The following DNAH2 variants were observed in gnomAD, a reference collection of about 807,000 sequenced individuals.
DNAH2 encodes dynein axonemal heavy chain 2, also known as axonemal beta dynein heavy chain 2.
DNAH2 carries 323 observed loss-of-function variants against 523.5 expected under a neutral mutation model. That is an observed-to-expected ratio of 0.62 (90% confidence interval 0.56 to 0.68). The LOEUF is 0.68. Ranked by LOEUF, DNAH2 falls within the 30% of genes least tolerant of loss-of-function variation. The pLI, the probability that DNAH2 is intolerant of heterozygous loss-of-function variation, is 0.00. For synonymous variants in DNAH2, 2,093 were observed against 2,177.4 expected (o/e 0.96, Z 1.08); for missense variants, 4,907 against 5,701.5 (o/e 0.86, Z 4.49).
At chr17:7,774,439 A>G (rs184998626) in intron 28 of DNAH2, among the ~76,000 whole-genome samples, 2 of 152,220 alleles carry the variant, frequency 1.3e-5, no homozygotes. Context: ...TTCGGACCAC[A>G]GTTGTCTGCA....
rs542519744 is a variant in DNAH2, at chr17:7,793,502, T to C, written c.7569+297T>C. The stretch of plus-strand genomic sequence containing the variant: ...TTCTTTCTTTCTTTCTTTCTTTCTT[T>C]CTTTCTTTCTTTCTTCTCTTTCTCT... On this transcript the variant is annotated intron_variant, in intron 48 of 85. Transcript: ENST00000572933. Among the ~76,000 whole-genome samples the C allele has an allele frequency of 7.3e-5, 10 of 137,784 alleles. 1 individual carries two copies. Among genetic ancestry groups the C allele is most frequent in the South Asian group, 2.2e-4 (1 of 4,528 alleles). The allele number at this position is 137,784 out of a possible 152,430, so 90.4% of individuals were successfully genotyped here.
In DNAH2 at chr17:7,798,411, T is replaced by A; in HGVS notation, c.8398+87T>A. 1 of 1,536,118 alleles carries A rather than the reference T, an allele frequency of 6.5e-7. No individual in the cohort carries two copies. The highest frequency in any genetic ancestry group is 8.8e-7 in the Non-Finnish European group (1 of 1,138,668). ...CAAGAGAGGAGAGATGGCAGCCAGATGGGCAGACGTGTCTGGCCCGTGTTG... is the reference window on the plus strand; with the variant it reads ...CAAGAGAGGAGAGATGGCAGCCAGAAGGGCAGACGTGTCTGGCCCGTGTTG... On this transcript the variant is annotated intron_variant, in intron 54 of 85. Coordinates refer to ENST00000572933, the MANE Select transcript of DNAH2 (RefSeq NM_020877.5). The surrounding 1 kb of genome is among the most constrained non-coding windows in gnomAD (Gnocchi z 5.5).
rs1387025924 is a variant in DNAH2 at position 7,792,605 on chromosome 17, TG to T, written c.7146-50del. 73 of 1,470,226 alleles carry T rather than the reference TG, an allele frequency of 5.0e-5. No individual in the cohort carries two copies. In the East Asian group the frequency reaches 1.7e-3, roughly 34 times the overall value. The allele number at this position is 1,470,226 out of a possible 1,614,324, so 91.1% of individuals were successfully genotyped here. A position where few individuals can be genotyped will look rare whatever the true frequency, so the allele number is the denominator to read the frequency against. ...ACGTAGAGGGAAAGGAAGTGGGAGT[TG>T]GAAAGGAGTGGGCGGCTGGTCCTTG... On this transcript the variant is annotated intron_variant, in intron 46 of 85. Transcript: ENST00000572933.
intron 63 of DNAH2, among the ~76,000 whole-genome samples, chr17:7,815,693 A>G (rs1426170379): frequency 6.6e-6 from 1 of 151,378 alleles, no homozygotes; most frequent in Non-Finnish European, 1.5e-5. Context: ...CATATATGGG[A>G]TCACACACAT....
Position 7,797,824 on chromosome 17 carries a change from A to T in DNAH2, c.8225A>T (p.Glu2742Val). The T allele has an allele frequency of 6.2e-7, 1 of 1,610,912 alleles. No homozygotes were observed. The highest frequency in any genetic ancestry group is 1.3e-5 in the African/African-American group (1 of 74,952). ...MQLVLFREAI[E>V]HITRIVRVIG... ...CTAGTGCTCTTCCGAGAGGCTATTG[A>T]ACACAGTGAGCACCTGCCACGCCTA... Residue 2742 changes from glutamate to valine, a missense_variant, in exon 53 of 86, where the codon GAA (glutamate) becomes GTA (valine). Physicochemically the swap from Glu to Val is moderately radical, Grantham distance 121. Around this residue, in one of 3 missense-constraint regions of DNAH2, gnomAD observed 250 missense variants for 371.3 expected, o/e 0.67. Coordinates refer to ENST00000572933, the MANE Select transcript of DNAH2 (RefSeq NM_020877.5).
chr17:7,798,045 C>T lies in DNAH2; in HGVS notation c.8231-112C>T. On this transcript the variant is annotated intron_variant, in intron 53 of 85. Transcript: ENST00000572933. The surrounding 1 kb of genome is among the most constrained non-coding windows in gnomAD (Gnocchi z 5.5). The stretch of plus-strand genomic sequence containing the variant: ...CCTTGGGCACCAACTTCTTCTCATA[C>T]CTCTTGGTTCCTCTGCTTCAGTTTC... 7.0e-7 allele frequency: 1 copy of T among 1,433,492 alleles called. No individual in the cohort carries two copies. The highest frequency in any genetic ancestry group is 9.3e-7 in the Non-Finnish European group (1 of 1,070,988). 88.8% of individuals were successfully genotyped at this position (1,433,492 alleles called of 1,614,324 possible). A position where few individuals can be genotyped will look rare whatever the true frequency, so the allele number is the denominator to read the frequency against.
intron 3 of DNAH2, among the ~76,000 whole-genome samples, chr17:7,726,157 C>A (rs770066787): frequency 6.6e-6 from 1 of 152,026 alleles, no homozygotes; most frequent in Non-Finnish European, 1.5e-5. Flanking sequence ...AGGAACCCAC[C>A]ACCATGCCTG....
chr17:7,717,814 G>C lies in DNAH2; in HGVS notation c.-1000G>C, dbSNP rs1213149358. The stretch of plus-strand genomic sequence containing the variant: ...GGCCCATCGGTCGGTCTAGGGAGGG[G>C]AGGGTCAGCGTGGCAAGGTGTGTGT... On this transcript the variant is annotated 5_prime_UTR_variant, in exon 1 of 86. Coordinates refer to ENST00000572933, the MANE Select transcript of DNAH2 (RefSeq NM_020877.5). 6.6e-6 allele frequency: 1 copy of C among 152,594 alleles called. No homozygotes were observed. The highest frequency in any genetic ancestry group is 1.9e-4 in the East Asian group (1 of 5,176). The allele number at this position is 152,594 out of a possible 1,614,324, so 9.5% of individuals were successfully genotyped here. A position where few individuals can be genotyped will look rare whatever the true frequency, so the allele number is the denominator to read the frequency against.
In DNAH2 at chr17:7,788,015, GA is replaced by G; in HGVS notation, c.6741+19del. On this transcript the variant is annotated intron_variant, in intron 43 of 85. Coordinates refer to ENST00000572933, the MANE Select transcript of DNAH2 (RefSeq NM_020877.5). Reference sequence around the variant, plus strand: ...GGCCAAAGGTATGAAGGGAACTGAGGAGAGGGAAAGTAACCAGGGTGGCTCC... The same window carrying G: ...GGCCAAAGGTATGAAGGGAACTGAGGGAGGGAAAGTAACCAGGGTGGCTCC... 6.2e-7 allele frequency: 1 copy of G among 1,613,896 alleles called. No individual in the cohort carries two copies. The highest frequency in any genetic ancestry group is 8.5e-7 in the Non-Finnish European group (1 of 1,179,836).
At chr17:7,739,189 T>C (rs903872092) in intron 8 of DNAH2, among the ~76,000 whole-genome samples, 4 of 152,198 alleles carry the variant, frequency 2.6e-5, no homozygotes, top group Non-Finnish European at 5.9e-5. Context: ...GCAGATCACC[T>C]GCGATCAGCA....
intron 12 of DNAH2, among the ~76,000 whole-genome samples, chr17:7,748,489 C>T (rs117060057): frequency 6.6e-6 from 1 of 152,128 alleles, no homozygotes; most frequent in Non-Finnish European, 1.5e-5. Context: ...ATCCCCCAGA[C>T]AGATTTTTAT....
chr17:7,798,179 T>C lies in DNAH2; in HGVS notation c.8253T>C (p.Ile2751=). Residue 2751 remains isoleucine (I), a synonymous_variant, in exon 54 of 86, where the codon ATT becomes ATC. Transcript: ENST00000572933. The surrounding 1 kb of genome is among the most constrained non-coding windows in gnomAD (Gnocchi z 5.5). ...IEHITRIVRV[I]GQPRGNMLLV... ...CAGTCACACGGATCGTGCGGGTCATTGGACAGCCTCGGGGCAACATGCTCC... is the reference window on the plus strand; with the variant it reads ...CAGTCACACGGATCGTGCGGGTCATCGGACAGCCTCGGGGCAACATGCTCC... 4.4e-6 allele frequency: 7 copies of C among 1,607,112 alleles called. No homozygotes were observed. The highest frequency in any genetic ancestry group is 6.0e-6 in the Non-Finnish European group (7 of 1,174,546).
rs1436964689 is a variant in DNAH2, at chr17:7,740,820, G to A, written c.1517G>A (p.Arg506Gln). Residue 506 changes from arginine (R) to glutamine (Q), a missense_variant, in exon 11 of 86, where the codon CGG becomes CAG. Arg to Gln is a conservative substitution (Grantham distance 43, BLOSUM62 1). Transcript: ENST00000572933. ...HRLASREAIKRTYDKKAVDLY... is the reference protein window; with the variant it reads ...HRLASREAIKQTYDKKAVDLY... ...CCTCTTCTTCCCTAGGCTATCAAGCGGACTTATGACAAGAAGGCGGTGGAT... is the reference window on the plus strand; with the variant it reads ...CCTCTTCTTCCCTAGGCTATCAAGCAGACTTATGACAAGAAGGCGGTGGAT... The A allele has an allele frequency of 3.1e-6, 5 of 1,607,006 alleles. No homozygotes were observed. The highest frequency in any genetic ancestry group is 1.7e-4 in the Middle Eastern group (1 of 6,038).
chr17:7,806,689 A>G (rs976309783), intron 61 of DNAH2, among the ~76,000 whole-genome samples: 11 of 150,512 alleles, frequency 7.3e-5, no homozygotes, highest in African/African-American at 2.4e-4. Flanking sequence ...AAAAGATAGA[A>G]GAATGTATTG....
In DNAH2 at chr17:7,832,465, T is replaced by C. The variant is rs1035496111; in HGVS notation, c.12727-114T>C. 4.8e-5 allele frequency: 62 copies of C among 1,289,666 alleles called. No homozygotes were observed. The highest frequency in any genetic ancestry group is 2.6e-4 in the Admixed American group (13 of 49,714). 79.9% of individuals were successfully genotyped at this position (1,289,666 alleles called of 1,614,324 possible). Reference sequence around the variant, plus strand: ...TGGAGGTTGCAGTGAGCCAAGATCGTACCACTGCACTCCAGCCTGGGGGAC... The same window carrying C: ...TGGAGGTTGCAGTGAGCCAAGATCGCACCACTGCACTCCAGCCTGGGGGAC... On this transcript the variant is annotated intron_variant, in intron 82 of 85. Coordinates refer to ENST00000572933, the MANE Select transcript of DNAH2 (RefSeq NM_020877.5). This position sits in a 1 kb window ranked among gnomAD's most constrained non-coding sequence, Gnocchi z 4.3.
chr17:7,727,576 T>C (rs1044794349), intron 4 of DNAH2, among the ~76,000 whole-genome samples: 8 of 151,806 alleles, frequency 5.3e-5, no homozygotes, highest in Non-Finnish European at 1.0e-4. Flanking sequence ...GCCAACATGG[T>C]GAAACCCCAT....
At position 7,831,702 on chromosome 17, in the gene DNAH2, T is replaced by C. The variant is rs2078180150; in HGVS notation, c.12653T>C (p.Ile4218Thr). 2.5e-6 allele frequency: 4 copies of C among 1,614,060 alleles called. No homozygotes were observed. In the Admixed American group the frequency reaches 6.7e-5, roughly 27 times the overall value. ...TDLEKGIQGL[I>T]VMSTSLEEIF... Reference sequence around the variant, plus strand: ...CTAGAGAAAGGCATCCAGGGTCTCATCGTCATGTCTACAAGCCTGGAAGAG... The same window carrying C: ...CTAGAGAAAGGCATCCAGGGTCTCACCGTCATGTCTACAAGCCTGGAAGAG... The change falls in exon 82 of 86, where the codon ATC becomes ACC. Residue 4218 changes from isoleucine (I) to threonine (T), a missense_variant. Physicochemically the swap from Ile to Thr is moderately conservative, Grantham distance 89 (BLOSUM62 -1). Coordinates refer to ENST00000572933, the MANE Select transcript of DNAH2 (RefSeq NM_020877.5). The surrounding 1 kb of genome is among the most constrained non-coding windows in gnomAD (Gnocchi z 4.2).
intron 49 of DNAH2, among the ~76,000 whole-genome samples, chr17:7,795,289 G>T (rs1318189050): frequency 6.6e-6 from 1 of 152,058 alleles, no homozygotes; most frequent in Non-Finnish European, 1.5e-5. Flanking sequence ...GAGCCTAAGG[G>T]GAAAGGAGAA....
intron 2 of DNAH2, among the ~76,000 whole-genome samples, chr17:7,722,514 G>C (rs1253290651): frequency 2.6e-5 from 4 of 152,112 alleles, no homozygotes; most frequent in Non-Finnish European, 4.4e-5. Context: ...ATCTTTACTT[G>C]TAAGTTGCAT....
Sources: gnomAD v4.1 joint callset for allele counts (sites outside exome capture counted in the v4.1 genomes callset) on GRCh38, gnomAD v4.1.1 for gene constraint, gnomAD v4.1.1 regional missense constraint, Gnocchi (gnomAD v3.1) non-coding constraint, MANE v1.5 for transcripts, NCBI Gene and HGNC (gene_info 2026-07-23, HGNC 2026-07-21) for gene names.